COL18A1: variants seen among roughly 807,000 people sequenced by gnomAD.
COL18A1 encodes collagen alpha-1(XVIII) chain.
COL18A1 carries 133 observed loss-of-function variants against 168.0 expected under a neutral mutation model. The observed-to-expected ratio is 0.79, with a 90% confidence interval of 0.69 to 0.91. The LOEUF is 0.91. Among genes scored for constraint, COL18A1 ranks in the 40% least tolerant of loss-of-function variants. The pLI, the probability that COL18A1 is intolerant of heterozygous loss-of-function variation, is 0.00. For synonymous variants in COL18A1, 949 were observed against 809.0 expected, an observed-to-expected ratio of 1.17 and a Z score of -2.94; for missense variants, 2,126 against 1,925.4, an observed-to-expected ratio of 1.10 and a Z score of -1.95.
rs886057127 is a variant in COL18A1, at chr21:45,490,851, A to C, written c.2047A>C (p.Arg683=). Residue 683 remains arginine (R), a synonymous_variant, in exon 21 of 42, where the codon AGA becomes CGA. Transcript: ENST00000651438. The stretch of plus-strand genomic sequence containing the variant: ...GTCTCTCCAGGGGCCAAAGGGAGAC[A>C]GAGGCAGCCGGGGAGAAAAGGTGAG... The part of the protein sequence containing the change: ...IAGPQGPKGD[R]GSRGEKGDPG... 32 of 1,549,900 alleles carry C rather than the reference A, an allele frequency of 2.1e-5. No individual in the cohort carries two copies. The highest frequency in any genetic ancestry group is 2.7e-5 in the African/African-American group (2 of 73,008).
intron 6 of COL18A1, among the ~76,000 whole-genome samples, chr21:45,476,921 T>G (rs56102457): frequency 2.9e-4 from 42 of 146,966 alleles, no homozygotes; most frequent in Non-Finnish European, 5.4e-4. Context: ...ATTATGTGTT[T>G]TGTGTGTGTG....
chr21:45,457,967 C>G lies in COL18A1; in HGVS notation c.107-10275C>G, dbSNP rs75543445. The stretch of plus-strand genomic sequence containing the variant: ...GAGTTTCAGGCCAGTGACCGTTTCT[C>G]TCAGCAAAGCCCAGAGCCTCTGCAG... On this transcript the variant is annotated intron_variant, in intron 2 of 41. Coordinates refer to ENST00000651438, the MANE Select transcript of COL18A1 (RefSeq NM_001379500.1). This position sits in a 1 kb window ranked among gnomAD's most constrained non-coding sequence, Gnocchi z 4.6. Among the ~76,000 whole-genome samples the G allele has an allele frequency of 0.028, 4,281 of 152,234 alleles. 212 individuals carry two copies. The highest frequency in any genetic ancestry group is 0.097 in the African/African-American group (4,036 of 41,522).
rs751578852 is a variant in COL18A1, at chr21:45,494,911, G to A, written c.2429G>A (p.Arg810Gln). Residue 810 changes from arginine (R) to glutamine (Q), a missense_variant, in exon 28 of 42, where the codon CGG becomes CAG. By Grantham distance (43) the Arg-to-Gln change is conservative (BLOSUM62 1). Transcript: ENST00000651438. ...GYKGEIGFPG[R>Q]PGRPGMNGLK... ...AAGGGAGAGATTGGCTTTCCTGGAC[G>A]GCCGGTGAGGACCTGGGGTCTCCAG... 1.4e-5 allele frequency: 22 copies of A among 1,610,326 alleles called. No individual in the cohort carries two copies. Among genetic ancestry groups the A allele is most frequent in the Admixed American group, 3.3e-5 (2 of 59,832 alleles).
At chr21:45,432,340 A>AC (rs1429009535) in intron 2 of COL18A1, among the ~76,000 whole-genome samples, 2 of 151,852 alleles carry the variant, frequency 1.3e-5, no homozygotes, top group Middle Eastern at 3.4e-3. Flanking sequence ...CCGCTGAGGG[A>AC]CCCCCCACTT....
chr21:45,476,420 A>T lies in COL18A1; in HGVS notation c.868A>T (p.Ser290Cys). 6.2e-7 allele frequency: 1 copy of T among 1,614,168 alleles called. No individual in the cohort carries two copies. Among genetic ancestry groups the T allele is most frequent in the Non-Finnish European group, 8.5e-7 (1 of 1,180,028 alleles). Residue 290 changes from serine (S) to cysteine (C), a missense_variant, in exon 6 of 42, where the codon AGC becomes TGC. Coordinates refer to ENST00000651438, the MANE Select transcript of COL18A1 (RefSeq NM_001379500.1). ...VTTPPLAGGSSTEDSRSEEVE... is the reference protein window; with the variant it reads ...VTTPPLAGGSCTEDSRSEEVE... ...CACGCCACCCTTGGCTGGAGGCAGC[A>T]GCACGGAAGATTCCAGAAGTGAAGA...
chr21:45,492,803 G>A, intron 24 of COL18A1, 90 bp downstream of exon 24: 1 of 965,746 alleles, frequency 1.0e-6, no homozygotes, highest in South Asian at 1.3e-5. Flanking sequence ...AGCTGGGGTG[G>A]GCCTTGTCAG....
chr21:45,493,176 C>G lies in COL18A1; in HGVS notation c.2228C>G (p.Pro743Arg). ...CCTCCATTCCAGGGACCTGCAGGAC[C>G]CAAGGGCAACCTGGGCTCTAAGGGC... The part of the protein sequence containing the change: ...GFAGFPGPAG[P>R]KGNLGSKGER... The change falls in exon 25 of 42, where the codon CCC becomes CGC. Residue 743 changes from proline (P) to arginine (R), a missense_variant. By Grantham distance (103) the Pro-to-Arg change is moderately radical. Transcript: ENST00000651438. 2 of 1,560,314 alleles carry G rather than the reference C, an allele frequency of 1.3e-6. No individual in the cohort carries two copies. Among genetic ancestry groups the G allele is most frequent in the Non-Finnish European group, 1.7e-6 (2 of 1,152,190 alleles).
rs1377023166 is a variant in COL18A1 at position 45,457,115 on chromosome 21, C to A, written c.107-11127C>A. ...CCGCAGCCGATGTGTCCAGGTGCCACCTGGGCCTGGAGCTCCCTGAGCATT... is the reference window on the plus strand; with the variant it reads ...CCGCAGCCGATGTGTCCAGGTGCCAACTGGGCCTGGAGCTCCCTGAGCATT... On this transcript the variant is annotated intron_variant, in intron 2 of 41. Transcript: ENST00000651438. The surrounding 1 kb of genome is among the most constrained non-coding windows in gnomAD (Gnocchi z 4.6). 6.6e-6 allele frequency among the ~76,000 whole-genome samples: 1 copy of A among 152,136 alleles called. No individual in the cohort carries two copies. The highest frequency in any genetic ancestry group is 1.5e-5 in the Non-Finnish European group (1 of 68,012).
At chr21:45,456,237 C>T (rs765021555) in intron 2 of COL18A1, 31 of 1,601,072 alleles carry the variant, frequency 1.9e-5, no homozygotes, top group African/African-American at 1.3e-5. Flanking sequence ...CTGCAGGACC[C>T]AGACAGCCAA....
chr21:45,488,949 A>G (rs9981434), intron 18 of COL18A1, among the ~76,000 whole-genome samples: 76,478 of 150,810 alleles, frequency 0.51, 19,880 homozygotes, highest in African/African-American at 0.62. Flanking sequence ...GTGCCTGAGC[A>G]GGGAGCCTGG....
chr21:45,437,460 A>ACACACAGGCACTCTCCTGCACACACT, intron 2 of COL18A1, among the ~76,000 whole-genome samples: 1 of 39,918 alleles, frequency 2.5e-5, no homozygotes, highest in Non-Finnish European at 4.7e-5. Flanking sequence ...TCACAGACAG[A>ACACACAGGCACTCTCCTGCACACACT]CACACAGGCA....
In COL18A1 at chr21:45,437,825, C is replaced by T. The variant is rs1343247247; in HGVS notation, c.107-30417C>T. ...ACAGGCACTCTCCTGCACACACTCA[C>T]ACTCAGACAAGCACTCTCCTGCACA... On this transcript the variant is annotated intron_variant, in intron 2 of 41. Transcript: ENST00000651438. 2.8e-5 allele frequency among the ~76,000 whole-genome samples: 2 copies of T among 71,596 alleles called. 1 individual carries two copies. The highest frequency in any genetic ancestry group is 7.7e-4 in the East Asian group (2 of 2,588). 47.0% of individuals were successfully genotyped at this position (71,596 alleles called of 152,430 possible). A position where few individuals can be genotyped will look rare whatever the true frequency, so the allele number is the denominator to read the frequency against.
intron 13 of COL18A1, 135 bp downstream of exon 13, chr21:45,480,993 T>C (rs2035872438): frequency 1.5e-6 from 2 of 1,347,120 alleles, no homozygotes; most frequent in Non-Finnish European, 1.0e-6. Context: ...CTCTAGGAGC[T>C]GGCGGGCAGT....
intron 2 of COL18A1, among the ~76,000 whole-genome samples, chr21:45,419,285 G>A (rs886889477): frequency 1.3e-5 from 2 of 151,806 alleles, no homozygotes; most frequent in African/African-American, 2.4e-5. Flanking sequence ...ACGTGATGCC[G>A]GGTAGTGACG....
chr21:45,432,082 C>G (rs1182491092), intron 2 of COL18A1, among the ~76,000 whole-genome samples: 1 of 152,240 alleles, frequency 6.6e-6, no homozygotes, highest in Non-Finnish European at 1.5e-5. Flanking sequence ...TCGGTCCCCA[C>G]TGGCCTCCTT....
At position 45,475,525 on chromosome 21, in the gene COL18A1, G is replaced by T. The variant is rs773300152; in HGVS notation, c.788G>T (p.Arg263Met). The T allele has an allele frequency of 6.2e-7, 1 of 1,606,514 alleles. No individual in the cohort carries two copies. The highest frequency in any genetic ancestry group is 8.5e-7 in the Non-Finnish European group (1 of 1,178,180). ...SGLGDARELL[R>M]EETGAALKPR... ...CTCGGGGACGCCCGGGAGCTTCTCA[G>T]GGAGGAGACGGTGAGTAGCCGGACG... Residue 263 changes from arginine (R) to methionine (M), a missense_variant, in exon 5 of 42, where the codon AGG (arginine) becomes ATG (methionine). Physicochemically the swap from Arg to Met is moderately conservative, Grantham distance 91. Coordinates refer to ENST00000651438, the MANE Select transcript of COL18A1 (RefSeq NM_001379500.1).
intron 14 of COL18A1, 63 bp downstream of exon 14, chr21:45,482,088 G>T (rs559968758): frequency 5.2e-6 from 7 of 1,345,078 alleles, no homozygotes; most frequent in African/African-American, 2.9e-5. Context: ...GCCCGGGTCC[G>T]GGGGTGCCTG....
chr21:45,458,958 C>T (rs116281143), intron 2 of COL18A1, among the ~76,000 whole-genome samples: 3,737 of 152,304 alleles, frequency 0.025, 165 homozygotes, highest in African/African-American at 0.084. Context: ...GGAATTTCTG[C>T]AACTGCAGCT....
intron 2 of COL18A1, among the ~76,000 whole-genome samples, chr21:45,452,878 GTA>G (rs1569296697): frequency 6.6e-6 from 1 of 151,408 alleles, no homozygotes; most frequent in Non-Finnish European, 1.5e-5. Flanking sequence ...ATGCATGTGA[GTA>G]TTCACATGTG....
Sources: gnomAD v4.1 joint callset for allele counts (sites outside exome capture counted in the v4.1 genomes callset) on GRCh38, gnomAD v4.1.1 for gene constraint, Gnocchi (gnomAD v3.1) non-coding constraint, MANE v1.5 for transcripts, NCBI Gene and HGNC (gene_info 2026-07-23, HGNC 2026-07-21) for gene names.